NAPB: variants seen among roughly 807,000 people sequenced by gnomAD.
NAPB encodes the protein beta-soluble NSF attachment protein.
In NAPB, 26 loss-of-function variants were observed where a neutral mutation model predicts 44.7. The ratio of observed to expected loss-of-function variants is 0.58; its 90% CI spans 0.43 to 0.81. The LOEUF is 0.81. NAPB is among the 30% of genes least tolerant of loss of function. The pLI is 0.00. For synonymous variants in NAPB, 120 were observed against 116.8 expected (o/e 1.03, Z -0.18); for missense variants, 315 against 356.4 (o/e 0.88, Z 0.94).
chr20:23,377,286 A>T lies in NAPB; in HGVS notation c.*90T>A. 2 of 709,736 alleles carry T rather than the reference A, an allele frequency of 2.8e-6. No homozygotes were observed. The highest frequency in any genetic ancestry group is 4.5e-6 in the Non-Finnish European group (2 of 442,680). The allele number at this position is 709,736 out of a possible 1,614,324, so 44.0% of individuals were successfully genotyped here. On this transcript the variant is annotated 3_prime_UTR_variant, in exon 11 of 11. Transcript: ENST00000377026. ...CGTCTGGCTCATATGCAACAAAATT[A>T]AGCCATTAAATAGGCATCCCATAAA...
chr20:23,392,426 G>A lies in NAPB; in HGVS notation c.421-2162C>T, dbSNP rs1258907438. 3.3e-5 allele frequency among the ~76,000 whole-genome samples: 5 copies of A among 152,122 alleles called. No individual in the cohort carries two copies. In the East Asian group the frequency reaches 9.7e-4, roughly 30 times the overall value. On this transcript the variant is annotated intron_variant, in intron 5 of 10. Coordinates refer to ENST00000377026, the MANE Select transcript of NAPB (RefSeq NM_022080.3). ...CCATGACTGTAATCTCAGCATTTGG[G>A]AGGCCAAGATGGGAGGACTGCTTGA...
At chr20:23,414,484 G>A (rs188293338) in intron 1 of NAPB, among the ~76,000 whole-genome samples, 86 of 152,118 alleles carry the variant, frequency 5.7e-4, no homozygotes, top group Non-Finnish European at 9.1e-4. Context: ...GTTTATCTCC[G>A]CAGATATTCA....
chr20:23,381,148 C>G (rs928464601), intron 8 of NAPB, 65 bp downstream of exon 8: 1 of 1,077,614 alleles, frequency 9.3e-7, no homozygotes, highest in Non-Finnish European at 1.4e-6. Context: ...ATACCAAGAA[C>G]AAGAGAGAAT....
chr20:23,384,902 C>T (rs377308309), intron 7 of NAPB, among the ~76,000 whole-genome samples: 3 of 151,954 alleles, frequency 2.0e-5, no homozygotes, highest in Admixed American at 1.3e-4. Context: ...GGTGTATCAC[C>T]GAGGTCAGGA....
chr20:23,391,860 C>T, intron 5 of NAPB, among the ~76,000 whole-genome samples: 1 of 152,118 alleles, frequency 6.6e-6, no homozygotes. Context: ...GCTTGAATGA[C>T]AAAGGTTTCA....
intron 1 of NAPB, among the ~76,000 whole-genome samples, chr20:23,417,741 A>G (rs543428735): frequency 2.1e-4 from 32 of 152,182 alleles, no homozygotes; most frequent in African/African-American, 7.5e-4. Flanking sequence ...GCAGAAACAC[A>G]AACCACCACA....
At chr20:23,386,487 C>T (rs1000845444) in intron 7 of NAPB, among the ~76,000 whole-genome samples, 68 of 152,278 alleles carry the variant, frequency 4.5e-4, no homozygotes, top group African/African-American at 1.6e-3. Context: ...AAAGACACCA[C>T]AAGAAAACTA....
intron 2 of NAPB, among the ~76,000 whole-genome samples, chr20:23,400,360 T>C (rs771479705): frequency 9.2e-5 from 14 of 151,912 alleles, no homozygotes; most frequent in Admixed American, 2.6e-4. Context: ...CTACTAAAAA[T>C]ACAAAATTAG....
At chr20:23,415,749 T>C (rs1430909946) in intron 1 of NAPB, among the ~76,000 whole-genome samples, 1 of 152,030 alleles carries the variant, frequency 6.6e-6, no homozygotes, top group Non-Finnish European at 1.5e-5. Flanking sequence ...AGCAGATCGC[T>C]TGAGTCCCGG....
At chr20:23,390,332 A>C in intron 5 of NAPB, 68 bp from the exon 6 acceptor site, 2 of 1,340,136 alleles carry the variant, frequency 1.5e-6, no homozygotes, top group Non-Finnish European at 2.1e-6. Context: ...CTACATTTGC[A>C]TAGGTATTTT....
rs76931299 is a variant in NAPB, at chr20:23,398,087, C to T, written c.179-899G>A. ...CTGACTGGAGGAGGCCAGTGGAAATCAAGGCTGAGGCTGCATCAGGCCACT... is the reference window on the plus strand; with the variant it reads ...CTGACTGGAGGAGGCCAGTGGAAATTAAGGCTGAGGCTGCATCAGGCCACT... On this transcript the variant is annotated intron_variant, in intron 2 of 10. Transcript: ENST00000377026. Among the ~76,000 whole-genome samples, 810 of 152,288 alleles carry T rather than the reference C, an allele frequency of 5.3e-3. 2 individuals are homozygous for T. The highest frequency in any genetic ancestry group is 0.017 in the Middle Eastern group (5 of 292).
At chr20:23,406,052 C>G (rs1985231642) in intron 1 of NAPB, among the ~76,000 whole-genome samples, 1 of 152,104 alleles carries the variant, frequency 6.6e-6, no homozygotes, top group Non-Finnish European at 1.5e-5. Flanking sequence ...ATTAAGGCCA[C>G]TAATAAAAGA....
chr20:23,398,445 C>A (rs1021690353), intron 2 of NAPB, among the ~76,000 whole-genome samples: 8 of 152,124 alleles, frequency 5.3e-5, no homozygotes. Flanking sequence ...TCACAGCTCA[C>A]TGCAACCTCC....
At chr20:23,379,400 C>A in intron 10 of NAPB, 45 bp downstream of exon 10, 1 of 1,464,220 alleles carries the variant, frequency 6.8e-7, no homozygotes, top group South Asian at 1.2e-5. Flanking sequence ...GTTTCTTTAA[C>A]TTAAATCTTC....
At chr20:23,387,791 AT>A (rs1983638217) in intron 7 of NAPB, among the ~76,000 whole-genome samples, 1 of 152,186 alleles carries the variant, frequency 6.6e-6, no homozygotes, top group Non-Finnish European at 1.5e-5. Context: ...CAGACTTAGT[AT>A]TGTTAAGATG....
At chr20:23,389,463 T>C (rs928373965) in intron 7 of NAPB, among the ~76,000 whole-genome samples, 1 of 152,126 alleles carries the variant, frequency 6.6e-6, no homozygotes, top group Non-Finnish European at 1.5e-5. Context: ...AACACAAATG[T>C]TCACAGCAGC....
chr20:23,389,870 A>G (rs1004291530), intron 7 of NAPB, 76 bp downstream of exon 7: 5 of 1,309,104 alleles, frequency 3.8e-6, no homozygotes, highest in Non-Finnish European at 4.4e-6. Flanking sequence ...ATATCTCAAT[A>G]AACAGAAAAA....
At chr20:23,419,009 C>T (rs571504632) in intron 1 of NAPB, among the ~76,000 whole-genome samples, 2 of 152,094 alleles carry the variant, frequency 1.3e-5, no homozygotes, top group South Asian at 2.1e-4. Context: ...ATCTGTTTGG[C>T]CTACTGCTTC....
Position 23,421,403 on chromosome 20 carries a change from G to C in NAPB, c.-1C>G, listed in dbSNP as rs561042795. 1.3e-6 allele frequency: 2 copies of C among 1,543,258 alleles called. No individual in the cohort carries two copies. The highest frequency in any genetic ancestry group is 2.5e-5 in the East Asian group (1 of 39,820). On this transcript the variant is annotated 5_prime_UTR_variant, in exon 1 of 11. Transcript: ENST00000377026. ...CACGCTCCTTCCCCGCGTTGTCCAT[G>C]TCGCCCGCCGCGGCCGCCACAGCCC... is the stretch of plus-strand genomic sequence containing the variant.
Sources: allele counts gnomAD v4.1 joint callset (sites outside exome capture counted in the v4.1 genomes callset), GRCh38; gene constraint gnomAD v4.1.1; transcripts MANE v1.5; gene names NCBI Gene and HGNC (gene_info 2026-07-23, HGNC 2026-07-21).